The following PDE1A variants were observed in gnomAD, a reference collection of about 807,000 sequenced individuals.
The protein encoded by PDE1A is phosphodiesterase 1A.
In PDE1A, 35 loss-of-function variants were observed where a neutral mutation model predicts 61.7. The observed-to-expected ratio is 0.57, with a 90% CI of 0.43 to 0.75. The LOEUF is 0.75. Ranked by LOEUF, PDE1A falls within the 30% of genes least tolerant of loss-of-function variation. The probability of loss-of-function intolerance (pLI) is 0.00; values close to 1 mark genes in which losing one functional copy is unlikely to be tolerated. For missense variants in PDE1A, 597 were observed against 630.6 expected (o/e 0.95, Z 0.57); for synonymous variants, 232 against 213.2 (o/e 1.09, Z -0.77).
intron 13 of PDE1A, among the ~76,000 whole-genome samples, chr2:182,181,751 T>C (rs1377207210): frequency 1.3e-5 from 2 of 152,168 alleles, no homozygotes; most frequent in African/African-American, 2.4e-5. Flanking sequence ...GCTGCTGGAT[T>C]TCCTGCAGAG....
the PDE1A span, among the ~76,000 whole-genome samples, chr2:182,683,236 C>A: frequency 3.3e-5 from 5 of 151,750 alleles, no homozygotes; most frequent in South Asian, 8.3e-4. Flanking sequence ...GGATTACAGG[C>A]GTGCTGTAAT....
In PDE1A at chr2:182,473,716, C is replaced by T. The variant is rs148352611; in HGVS notation, c.101+48560G>A. 9.8e-3 allele frequency among the ~76,000 whole-genome samples: 1,483 copies of T among 152,028 alleles called. 19 individuals are homozygous for T. Among genetic ancestry groups the T allele is most frequent in the African/African-American group, 0.033 (1,376 of 41,500 alleles). On this transcript the variant is annotated intron_variant, in intron 2 of 14. Coordinates refer to the PDE1A transcript ENST00000410103. ...TCCATGTGTTCTCATAATTTAGCCC[C>T]ACATATAAGTGAGAACATCAGGTAT...
intron 2 of PDE1A, among the ~76,000 whole-genome samples, chr2:182,498,660 T>C (rs1305722433): frequency 6.6e-6 from 1 of 152,082 alleles, no homozygotes; most frequent in African/African-American, 2.4e-5. Flanking sequence ...AAAATTACCC[T>C]AAGGCCGGGC....
intron 8 of PDE1A, 140 bp downstream of exon 8, chr2:182,205,800 T>G: frequency 1.4e-6 from 1 of 697,214 alleles, no homozygotes; most frequent in Non-Finnish European, 2.3e-6. Context: ...TACTAATCCT[T>G]CTCAGAGTCA....
At chr2:182,557,924 A>G in the PDE1A span, among the ~76,000 whole-genome samples, 1 of 152,158 alleles carries the variant, frequency 6.6e-6, no homozygotes, top group African/African-American at 2.4e-5. Flanking sequence ...TAAGTTTTCT[A>G]TTGAAATTTT....
the PDE1A span, among the ~76,000 whole-genome samples, chr2:182,617,870 C>A: frequency 6.6e-6 from 1 of 152,142 alleles, no homozygotes; most frequent in Non-Finnish European, 1.5e-5. Flanking sequence ...ACATGTTAGC[C>A]CTTTATGTTC....
intron 2 of PDE1A, among the ~76,000 whole-genome samples, chr2:182,447,475 G>A (rs1685220378): frequency 6.6e-6 from 1 of 152,042 alleles, no homozygotes; most frequent in African/African-American, 2.4e-5. Flanking sequence ...TGTGCCACAA[G>A]TAAAGAGGAA....
intron 2 of PDE1A, among the ~76,000 whole-genome samples, chr2:182,499,325 C>T (rs529619964): frequency 2.0e-5 from 3 of 151,928 alleles, no homozygotes; most frequent in Admixed American, 6.6e-5. Context: ...TACAGGCGCC[C>T]GCAACTGTAC....
the PDE1A span, among the ~76,000 whole-genome samples, chr2:182,593,235 G>A: frequency 6.6e-6 from 1 of 152,148 alleles, no homozygotes; most frequent in Admixed American, 6.5e-5. Context: ...ATCACAAATA[G>A]GTTAGCTCTT....
In PDE1A at chr2:182,191,846, C is replaced by CTT. The variant is rs142596612; in HGVS notation, c.1126-2788_1126-2787dup. Among the ~76,000 whole-genome samples the CTT allele has an allele frequency of 2.4e-3, 351 of 146,130 alleles. 1 individual carries two copies. Among genetic ancestry groups the CTT allele is most frequent in the Non-Finnish European group, 4.0e-3 (268 of 66,626 alleles). ...GAAAGGCATTATGATGATTTACTTT[C>CTT]TTTTTTTTTTTATTTTTTTATTTTT... is the stretch of plus-strand genomic sequence containing the variant. On this transcript the variant is annotated intron_variant, in intron 10 of 13. Transcript: ENST00000351439.
chr2:182,321,773 A>T (rs1176568137), intron 1 of PDE1A, among the ~76,000 whole-genome samples: 2 of 152,016 alleles, frequency 1.3e-5, no homozygotes, highest in Non-Finnish European at 2.9e-5. Flanking sequence ...AGTTGTACAA[A>T]CCTTCCCATT....
At chr2:182,334,267 GACAC>G (rs552771675) in intron 1 of PDE1A, among the ~76,000 whole-genome samples, 20 of 145,806 alleles carry the variant, frequency 1.4e-4, no homozygotes, top group African/African-American at 4.8e-4. Flanking sequence ...CCCTGGAAGA[GACAC>G]ACACACACAC....
chr2:182,603,408 G>A, the PDE1A span, among the ~76,000 whole-genome samples: 4 of 152,104 alleles, frequency 2.6e-5, no homozygotes, highest in East Asian at 1.9e-4. Context: ...ATGCAGTGGC[G>A]CCGTCTCAGT....
At chr2:182,469,278 T>G (rs1490112007) in intron 2 of PDE1A, among the ~76,000 whole-genome samples, 1 of 151,976 alleles carries the variant, frequency 6.6e-6, no homozygotes, top group Non-Finnish European at 1.5e-5. Context: ...TCAATAATCT[T>G]AGCCAGATCT....
At chr2:182,444,664 G>A (rs369468281) in intron 2 of PDE1A, among the ~76,000 whole-genome samples, 7 of 151,734 alleles carry the variant, frequency 4.6e-5, no homozygotes, top group African/African-American at 1.7e-4. Context: ...AGACCACTGA[G>A]AAGGCTTAGA....
chr2:182,677,626 C>T, the PDE1A span, among the ~76,000 whole-genome samples: 1 of 152,132 alleles, frequency 6.6e-6, no homozygotes, highest in Non-Finnish European at 1.5e-5. Context: ...TGACTTCAAA[C>T]GATGCTACAG....
intron 7 of PDE1A, among the ~76,000 whole-genome samples, chr2:182,219,639 T>A (rs554435477): frequency 6.6e-6 from 1 of 152,250 alleles, no homozygotes; most frequent in South Asian, 2.1e-4. Context: ...TACTTAATGC[T>A]GTCAAGTGTA....
At chr2:182,715,525 C>T in the PDE1A span, among the ~76,000 whole-genome samples, 1 of 152,156 alleles carries the variant, frequency 6.6e-6, no homozygotes, top group Non-Finnish European at 1.5e-5. Flanking sequence ...AAGCAGGTAT[C>T]CTCTAGGCTC....
Position 182,241,423 on chromosome 2 carries a change from G to A in PDE1A, c.168-1131C>T, listed in dbSNP as rs538017269. On this transcript the variant is annotated intron_variant, in intron 2 of 13. Coordinates refer to ENST00000351439, the Ensembl canonical transcript of PDE1A. ...CGATTATGAGCTAATGTTGGAAGGT[G>A]GCCAGAGATGGTTGTACATGCTAAT... is the stretch of plus-strand genomic sequence containing the variant. 3.9e-5 allele frequency among the ~76,000 whole-genome samples: 6 copies of A among 152,278 alleles called. No homozygotes were observed. In the East Asian group the frequency reaches 1.2e-3, roughly 29 times the overall value.
Sources: allele counts gnomAD v4.1 joint callset (sites outside exome capture counted in the v4.1 genomes callset), GRCh38; gene constraint gnomAD v4.1.1; transcripts MANE v1.5; gene names NCBI Gene and HGNC (gene_info 2026-07-23, HGNC 2026-07-21).